Variants in TTI2 observed in about 807,000 individuals in gnomAD.
TTI2 encodes TELO2-interacting protein 2.
TTI2 carries 26 observed loss-of-function variants against 44.9 expected under a neutral mutation model. That is an observed-to-expected ratio of 0.58 (90% CI 0.42 to 0.80). The LOEUF (loss-of-function observed/expected upper bound fraction) is 0.80. Among genes scored for constraint, TTI2 ranks in the 30% least tolerant of loss-of-function variants. The pLI is 0.00. For missense variants in TTI2, 582 were observed against 611.6 expected, an observed-to-expected ratio of 0.95 and a Z score of 0.51; for synonymous variants, 254 against 250.9, an observed-to-expected ratio of 1.01 and a Z score of -0.12.
At chr8:33,506,627 G>A (rs1355235672) in intron 4 of TTI2, among the ~76,000 whole-genome samples, 5 of 150,714 alleles carry the variant, frequency 3.3e-5, no homozygotes, top group Admixed American at 6.6e-5. Context: ...TCCTGACCTC[G>A]TGATCCGCCC....
chr8:33,508,239 T>C lies in TTI2; in HGVS notation c.835-918A>G, dbSNP rs1809378281. 2.0e-5 allele frequency among the ~76,000 whole-genome samples: 3 copies of C among 151,752 alleles called. No homozygotes were observed. The South Asian group carries it at 6.2e-4, about 32-fold the overall frequency. On this transcript the variant is annotated intron_variant, in intron 3 of 7. Transcript: ENST00000431156. Reference sequence around the variant, plus strand: ...ACACGTAAAACTAATAAAATGTGTATAGTTTCCTCTTGCTAATCTGCCTGT... The same window carrying C: ...ACACGTAAAACTAATAAAATGTGTACAGTTTCCTCTTGCTAATCTGCCTGT...
chr8:33,503,958 C>T (rs539277022), intron 4 of TTI2, 23 bp from the exon 5 acceptor site: 53 of 1,612,350 alleles, frequency 3.3e-5, no homozygotes, highest in Admixed American at 3.0e-4. Flanking sequence ...AATGGAAGGA[C>T]GGTGCATAGT....
At position 33,508,761 on chromosome 8, in the gene TTI2, A is replaced by T. The variant is rs192998821; in HGVS notation, c.834+985T>A. On this transcript the variant is annotated intron_variant, in intron 3 of 7. Coordinates refer to ENST00000431156, the MANE Select transcript of TTI2 (RefSeq NM_001102401.4). ...AAGCTCCATAGTACAAAGTTTTTTT[A>T]AAAAATTTTTCCTTGAGTAATAGCT... Among the ~76,000 whole-genome samples, 1,417 of 152,074 alleles carry T rather than the reference A, an allele frequency of 9.3e-3. 22 individuals are homozygous for T. Among genetic ancestry groups the T allele is most frequent in the African/African-American group, 0.032 (1,329 of 41,478 alleles).
In TTI2 at chr8:33,503,785, T is replaced by C; in HGVS notation, c.1078A>G (p.Arg360Gly). Residue 360 changes from arginine to glycine, a missense_variant, in exon 5 of 8, where the codon AGG becomes GGG. Transcript: ENST00000431156. Reference sequence around the variant, plus strand: ...GCCGGCAGGTTTCTTGCGTAGGTCCTGCGTAAAAGAAGGCGGTGCTCTGGC... The same window carrying C: ...GCCGGCAGGTTTCTTGCGTAGGTCCCGCGTAAAAGAAGGCGGTGCTCTGGC... ...MEPEHRLLLRRTYARNLPAFV... is the reference protein window; with the variant it reads ...MEPEHRLLLRGTYARNLPAFV... 2 of 1,613,978 alleles carry C rather than the reference T, an allele frequency of 1.2e-6. No homozygotes were observed. Among genetic ancestry groups the C allele is most frequent in the Non-Finnish European group, 1.7e-6 (2 of 1,180,004 alleles).
chr8:33,500,667 C>T (rs537407595), intron 6 of TTI2, 177 bp from the exon 7 acceptor site: 1 of 668,442 alleles, frequency 1.5e-6, no homozygotes, highest in Non-Finnish European at 2.5e-6. Context: ...TTCTTACCCT[C>T]AAGTCTCCTG....
intron 4 of TTI2, among the ~76,000 whole-genome samples, chr8:33,505,911 T>G (rs1585327514): frequency 6.6e-6 from 1 of 152,058 alleles, no homozygotes; most frequent in East Asian, 1.9e-4. Flanking sequence ...CCTCAGCCTC[T>G]CAAAGTGCTA....
intron 6 of TTI2, chr8:33,501,090 G>A (rs1298540720): frequency 6.6e-6 from 1 of 152,642 alleles, no homozygotes; most frequent in Non-Finnish European, 1.5e-5. Context: ...GCACAATATT[G>A]TGACTGTACT....
Position 33,512,421 on chromosome 8 carries a change from C to CA in TTI2, c.192dup (p.Asp65Ter). On this transcript the variant is annotated frameshift_variant, in exon 2 of 8. Coordinates refer to ENST00000431156, the MANE Select transcript of TTI2 (RefSeq NM_001102401.4). LOFTEE classifies it high-confidence loss of function. ...GCACCAGTCCCCTCAAATAACCTAT[C>CA]AAATTCTGTGGCTTCTATTAGATCA... 1 of 1,614,098 alleles carries CA rather than the reference C, an allele frequency of 6.2e-7. No homozygotes were observed. The highest frequency in any genetic ancestry group is 8.5e-7 in the Non-Finnish European group (1 of 1,179,948).
Position 33,498,954 on chromosome 8 carries a change from T to C in TTI2, c.*219A>G, listed in dbSNP as rs924131187. The C allele has an allele frequency of 3.4e-6, 2 of 591,260 alleles. No homozygotes were observed. The highest frequency in any genetic ancestry group is 1.9e-5 in the African/African-American group (1 of 53,656). 36.6% of individuals were successfully genotyped at this position (591,260 alleles called of 1,614,324 possible). The stretch of plus-strand genomic sequence containing the variant: ...ATTTTAAATGCTACATTACTTGGTG[T>C]CCTTTTTTCTCCCAAACTTTATTTA... On this transcript the variant is annotated 3_prime_UTR_variant, in exon 8 of 8. Transcript: ENST00000431156.
At chr8:33,512,816 A>G in intron 1 of TTI2, 104 bp from the exon 2 acceptor site, 1 of 496,532 alleles carries the variant, frequency 2.0e-6, no homozygotes, top group Non-Finnish European at 3.5e-6. Context: ...CGGAGTTTGC[A>G]GTGAGCCGAG....
intron 1 of TTI2, 51 bp from the exon 2 acceptor site, chr8:33,512,763 T>G: frequency 1.1e-6 from 1 of 885,818 alleles, no homozygotes; most frequent in Non-Finnish European, 1.7e-6. Context: ...AGGGGGCGAG[T>G]CTGACCGGGA....
chr8:33,501,199 ATAAT>A (rs1809064863), intron 6 of TTI2: 1 of 152,228 alleles, frequency 6.6e-6, no homozygotes, highest in Non-Finnish European at 1.5e-5. Flanking sequence ...AAGGTGGAAA[ATAAT>A]TTAACTTACA....
intron 2 of TTI2, 99 bp from the exon 3 acceptor site, chr8:33,510,031 C>A: frequency 5.4e-6 from 5 of 931,916 alleles, no homozygotes; most frequent in East Asian, 2.7e-5. Context: ...ATTTTCATGT[C>A]TTTGAAAAAA....
In TTI2 at chr8:33,503,741, G is replaced by T; in HGVS notation, c.1115+7C>A. 6.2e-7 allele frequency: 1 copy of T among 1,613,148 alleles called. No homozygotes were observed. The highest frequency in any genetic ancestry group is 1.3e-5 in the African/African-American group (1 of 74,994). On this transcript the variant is annotated splice_region_variant and intron_variant, in intron 5 of 7. Transcript: ENST00000431156. ...AAATAATAATAAATAAAAGCCCAGG[G>T]CCTCACCTGTTCACGAAAGCCGGCA...
chr8:33,504,994 G>A (rs184468384), intron 4 of TTI2, among the ~76,000 whole-genome samples: 119 of 152,282 alleles, frequency 7.8e-4, no homozygotes, highest in African/African-American at 2.7e-3. Flanking sequence ...AAGCCAAGGC[G>A]GGCGGATCAC....
intron 3 of TTI2, among the ~76,000 whole-genome samples, chr8:33,508,625 A>AAAAG (rs1809393138): frequency 6.8e-6 from 1 of 146,114 alleles, no homozygotes; most frequent in East Asian, 1.9e-4. Flanking sequence ...CTCAAAAAAA[A>AAAAG]AAAAAAAAAA....
At chr8:33,510,180 T>G (rs1001142133) in intron 2 of TTI2, among the ~76,000 whole-genome samples, 2 of 152,112 alleles carry the variant, frequency 1.3e-5, no homozygotes, top group Non-Finnish European at 2.9e-5. Flanking sequence ...AGGAGTCAAT[T>G]ATAACCAGAG....
At chr8:33,503,189 C>CAG (rs10689160) in intron 6 of TTI2, among the ~76,000 whole-genome samples, 95,999 of 150,182 alleles carry the variant, frequency 0.64, 30,874 homozygotes, top group African/African-American at 0.68. Context: ...AGCGATTTAA[C>CAG]TGTCAGAATC....
chr8:33,511,990 C>T lies in TTI2; in HGVS notation c.624G>A (p.Gly208=), dbSNP rs983247408. The T allele has an allele frequency of 3.7e-6, 6 of 1,614,062 alleles. No individual in the cohort carries two copies. The highest frequency in any genetic ancestry group is 3.4e-6 in the Non-Finnish European group (4 of 1,180,052). Residue 208 remains glycine (G), a synonymous_variant, in exon 2 of 8, where the codon GGG becomes GGA. Coordinates refer to ENST00000431156, the MANE Select transcript of TTI2 (RefSeq NM_001102401.4). ...DEKGRLSVIL[G]LLKPDLYKES... ...ACTTATACAAGTCGGGTTTGAGAAG[C>T]CCTAGTATCACCGAAAGTCTCCCTT...
Sources: allele counts gnomAD v4.1 joint callset (sites outside exome capture counted in the v4.1 genomes callset), GRCh38; gene constraint gnomAD v4.1.1; transcripts MANE v1.5; gene names NCBI Gene and HGNC (gene_info 2026-07-23, HGNC 2026-07-21).